Variants in ABCC12 observed in about 807,000 individuals in gnomAD.
ABCC12 encodes ATP-binding cassette sub-family C member 12.
A neutral mutation model predicts 151.1 loss-of-function variants in ABCC12; 142 were observed. That is an observed-to-expected ratio of 0.94 (90% CI 0.82 to 1.08). The LOEUF is 1.08. ABCC12 is among the 50% of genes least tolerant of loss of function. The probability of loss-of-function intolerance (pLI) is 0.00; values close to 1 mark genes in which losing one functional copy is unlikely to be tolerated. For missense variants in ABCC12, 1,638 were observed against 1,691.1 expected (o/e 0.97, Z 0.55); for synonymous variants, 645 against 646.4 (o/e 1.00, Z 0.03).
At chr16:48,098,184 G>A (rs2150596346) in intron 23 of ABCC12, among the ~76,000 whole-genome samples, 1 of 151,278 alleles carries the variant, frequency 6.6e-6, no homozygotes, top group African/African-American at 2.4e-5. Flanking sequence ...GAGACCTGTG[G>A]CTTGAATATA....
chr16:48,124,137 C>A, intron 12 of ABCC12, 76 bp downstream of exon 12: 1 of 1,492,720 alleles, frequency 6.7e-7, no homozygotes, highest in Non-Finnish European at 9.3e-7. Flanking sequence ...TCTGCTGGGT[C>A]CACGCCTGAC....
At chr16:48,084,597 C>T (rs1340680039) in intron 29 of ABCC12, among the ~76,000 whole-genome samples, 1 of 152,236 alleles carries the variant, frequency 6.6e-6, no homozygotes, top group Non-Finnish European at 1.5e-5. Flanking sequence ...CCTTGGCCCA[C>T]AGCCCCTCCT....
chr16:48,139,241 A>C lies in ABCC12; in HGVS notation c.753T>G (p.Cys251Trp), dbSNP rs1480495504. Residue 251 changes from cysteine to tryptophan, a missense_variant, in exon 7 of 31, where the codon TGT (cysteine) becomes TGG (tryptophan). Cys to Trp is a radical substitution (Grantham distance 215). Coordinates refer to ENST00000311303, the MANE Select transcript of ABCC12 (RefSeq NM_001393797.1). ...PATIPILMVF[C>W]AAYAFFILGP... is the part of the protein sequence containing the mutation. ...CCAGAATGAAAAAGGCGTACGCCGCACAAAAGACCATTAGGATCGGGATGG... is the reference window on the plus strand; with the variant it reads ...CCAGAATGAAAAAGGCGTACGCCGCCCAAAAGACCATTAGGATCGGGATGG... The C allele has an allele frequency of 6.2e-7, 1 of 1,614,212 alleles. No individual in the cohort carries two copies. Among genetic ancestry groups the C allele is most frequent in the East Asian group, 2.2e-5 (1 of 44,880 alleles).
chr16:48,086,608 T>C, intron 28 of ABCC12, 133 bp downstream of exon 28: 1 of 731,890 alleles, frequency 1.4e-6, no homozygotes, highest in Non-Finnish European at 2.4e-6. Flanking sequence ...TATGTTCTAC[T>C]GACTTACGTG....
intron 10 of ABCC12, among the ~76,000 whole-genome samples, chr16:48,130,544 A>G (rs1349380546): frequency 6.6e-6 from 1 of 152,226 alleles, no homozygotes; most frequent in Non-Finnish European, 1.5e-5. Context: ...GAAAAAGAGG[A>G]TCAGGAACAT....
At chr16:48,115,295 C>G in intron 15 of ABCC12, 120 bp downstream of exon 15, 1 of 1,196,722 alleles carries the variant, frequency 8.4e-7, no homozygotes, top group Admixed American at 2.1e-5. Flanking sequence ...GCATCCCTGG[C>G]TCCCTCCCCA....
chr16:48,122,231 C>T (rs1964095535), intron 12 of ABCC12, among the ~76,000 whole-genome samples: 1 of 152,198 alleles, frequency 6.6e-6, no homozygotes, highest in African/African-American at 2.4e-5. Context: ...TCAGCCAGGC[C>T]CTGGGAGCAG....
rs776755685 is a variant in ABCC12 at position 48,104,271 on chromosome 16, G to A, written c.2771C>T (p.Pro924Leu). The change falls in exon 22 of 31, where the codon CCG becomes CTG. Residue 924 changes from proline to leucine, a missense_variant. Coordinates refer to ENST00000311303, the MANE Select transcript of ABCC12 (RefSeq NM_001393797.1). ...CTGCAGAAAGTTCTCTGCGTGAAACGGCAGCCTCACATCCAGCTCGTCCAT... is the reference window on the plus strand; with the variant it reads ...CTGCAGAAAGTTCTCTGCGTGAAACAGCAGCCTCACATCCAGCTCGTCCAT... ...KDMDELDVRL[P>L]FHAENFLQQF... 1.6e-5 allele frequency: 26 copies of A among 1,614,214 alleles called. No individual in the cohort carries two copies. The highest frequency in any genetic ancestry group is 4.5e-5 in the East Asian group (2 of 44,890).
At position 48,133,849 on chromosome 16, in the gene ABCC12, C is replaced by G. The variant is rs1964517799; in HGVS notation, c.980-14G>C. On this transcript the variant is annotated splice_polypyrimidine_tract_variant and intron_variant, in intron 8 of 30. Transcript: ENST00000311303. ...TCCTTCTTATATCTGCAAAATAGAA[C>G]ACAGTCCAAGGTGGTCTCATTTTGC... The G allele has an allele frequency of 6.2e-7, 1 of 1,613,922 alleles. No individual in the cohort carries two copies. The highest frequency in any genetic ancestry group is 8.5e-7 in the Non-Finnish European group (1 of 1,179,952).
intron 26 of ABCC12, 36 bp from the exon 27 acceptor site, chr16:48,088,121 A>G: frequency 1.2e-6 from 2 of 1,601,296 alleles, no homozygotes; most frequent in Non-Finnish European, 1.7e-6. Context: ...CAAATCAAAC[A>G]TCAGTTTGTG....
At chr16:48,143,034 T>C (rs1964872926) in intron 4 of ABCC12, among the ~76,000 whole-genome samples, 2 of 152,238 alleles carry the variant, frequency 1.3e-5, no homozygotes, top group South Asian at 4.1e-4. Context: ...TTATAATGAA[T>C]ATGAATTAGG....
In ABCC12 at chr16:48,082,145, C is replaced by T. The variant is rs1395980151; in HGVS notation, c.*1570G>A. Among the ~76,000 whole-genome samples, 1 of 152,206 alleles carries T rather than the reference C, an allele frequency of 6.6e-6. No individual in the cohort carries two copies. The highest frequency in any genetic ancestry group is 1.5e-5 in the Non-Finnish European group (1 of 68,024). On this transcript the variant is annotated 3_prime_UTR_variant, in exon 31 of 31. Coordinates refer to ENST00000311303, the MANE Select transcript of ABCC12 (RefSeq NM_001393797.1). ...AGAGAGATCCACACTTGGCCTGGAG[C>T]TGCCCACAGAAGGAACCCCCTGGCT...
rs1349501093 is a variant in ABCC12, at chr16:48,088,138, T to A, written c.3476-53A>T. 1.0e-5 allele frequency: 16 copies of A among 1,580,742 alleles called. No homozygotes were observed. The African/African-American group carries it at 2.2e-4, about 21-fold the overall frequency. ...AATCAAACATCAGTTTGTGCTTCCA[T>A]CATATCCAAGCATTTAATCAGTGGG... On this transcript the variant is annotated intron_variant, in intron 26 of 30. Coordinates refer to ENST00000311303, the MANE Select transcript of ABCC12 (RefSeq NM_001393797.1).
Position 48,139,307 on chromosome 16 carries a change from A to C in ABCC12, c.687T>G (p.Tyr229Ter), listed in dbSNP as rs764577101. The C allele has an allele frequency of 1.4e-5, 22 of 1,613,320 alleles. No individual in the cohort carries two copies. Among genetic ancestry groups the C allele is most frequent in the East Asian group, 1.1e-4 (5 of 44,880 alleles). Residue 229 changes from tyrosine to a stop codon, truncating the protein, a stop_gained, in exon 7 of 31, where the codon TAT becomes TAG. Transcript: ENST00000311303. LOFTEE classifies it high-confidence loss of function. ...EVLNILSSDS[Y>*]SLFEAALFCP... ...AAAACAAGGCAGCTTCAAACAAAGA[A>C]TAGCTATCACTTGACAGTATATTGA...
chr16:48,118,779 G>A (rs1039313862), intron 13 of ABCC12, among the ~76,000 whole-genome samples: 1 of 152,226 alleles, frequency 6.6e-6, no homozygotes, highest in East Asian at 1.9e-4. Flanking sequence ...TAGCAGTTAT[G>A]ATGAGGGGCC....
At chr16:48,140,961 G>T (rs1567457569) in intron 5 of ABCC12, 41 bp from the exon 6 acceptor site, 16 of 1,572,124 alleles carry the variant, frequency 1.0e-5, no homozygotes, top group Non-Finnish European at 1.4e-5. Flanking sequence ...GGCCACTGAG[G>T]GCTGAGGCTG....
rs775731661 is a variant in ABCC12, at chr16:48,146,385, G to T, written c.40C>A (p.Gln14Lys). ...GCAAAGGATCTCCGCCGGCCTCGCTGGTCCAGATCTGAGATAAGGTAGGGT... is the reference window on the plus strand; with the variant it reads ...GCAAAGGATCTCCGCCGGCCTCGCTTGTCCAGATCTGAGATAAGGTAGGGT... ...EGPYLISDLDQRGRRRSFAER... is the reference protein window; with the variant it reads ...EGPYLISDLDKRGRRRSFAER... The change falls in exon 3 of 31, where the codon CAG (glutamine) becomes AAG (lysine). Residue 14 changes from glutamine (Q) to lysine (K), a missense_variant. Physicochemically the swap from Gln to Lys is moderately conservative, Grantham distance 53 (BLOSUM62 1). Transcript: ENST00000311303. 6 of 1,614,068 alleles carry T rather than the reference G, an allele frequency of 3.7e-6. No homozygotes were observed. The highest frequency in any genetic ancestry group is 5.1e-6 in the Non-Finnish European group (6 of 1,180,040).
At chr16:48,143,620 A>G (rs1024212988) in intron 4 of ABCC12, among the ~76,000 whole-genome samples, 21 of 152,188 alleles carry the variant, frequency 1.4e-4, no homozygotes, top group African/African-American at 4.8e-4. Flanking sequence ...GGTGGGAGGT[A>G]ACTGAATCAT....
At chr16:48,124,707 G>A (rs1368300811) in intron 11 of ABCC12, among the ~76,000 whole-genome samples, 1 of 152,122 alleles carries the variant, frequency 6.6e-6, no homozygotes, top group East Asian at 1.9e-4. Flanking sequence ...GACATCTAGG[G>A]GCTTTTCAAA....
Sources: allele counts gnomAD v4.1 joint callset (sites outside exome capture counted in the v4.1 genomes callset), GRCh38; gene constraint gnomAD v4.1.1; transcripts MANE v1.5; gene names NCBI Gene and HGNC (gene_info 2026-07-23, HGNC 2026-07-21).